Variants in AAK1 observed in about 807,000 individuals in gnomAD.
AAK1 encodes AP2-associated protein kinase 1.
In AAK1, 37 loss-of-function variants were observed where a neutral mutation model predicts 116.0. That is an observed-to-expected ratio of 0.32 (90% CI 0.25 to 0.42). The LOEUF is 0.42. AAK1 is among the 10% of genes least tolerant of loss of function. AAK1 has a pLI of 1.00. For missense variants in AAK1, 919 were observed against 1,170.6 expected, an observed-to-expected ratio of 0.79 and a Z score of 3.14; for synonymous variants, 458 against 439.9, an observed-to-expected ratio of 1.04 and a Z score of -0.51.
intron 2 of AAK1, among the ~76,000 whole-genome samples, chr2:69,596,850 T>C (rs1056464267): frequency 6.6e-6 from 1 of 152,106 alleles, no homozygotes; most frequent in Non-Finnish European, 1.5e-5. Context: ...GTTGGCCACC[T>C]TGCCTTGTCC....
At chr2:69,528,189 T>C (rs151310622) in intron 8 of AAK1, among the ~76,000 whole-genome samples, 25 of 152,146 alleles carry the variant, frequency 1.6e-4, no homozygotes, top group Admixed American at 9.2e-4. Context: ...TGCAAGTAAA[T>C]AGAGGAGCCA....
chr2:69,586,569 T>C (rs1276083675), intron 2 of AAK1, among the ~76,000 whole-genome samples: 1 of 152,176 alleles, frequency 6.6e-6, no homozygotes, highest in African/African-American at 2.4e-5. Context: ...GGAAAGTATT[T>C]TTCTTTGCAT....
intron 13 of AAK1, among the ~76,000 whole-genome samples, chr2:69,512,504 A>G (rs556565978): frequency 3.8e-4 from 58 of 152,206 alleles, no homozygotes; most frequent in Non-Finnish European, 6.9e-4. Context: ...GGCTATTATT[A>G]ATAAGACTGC....
At chr2:69,549,189 T>G (rs1279362243) in intron 3 of AAK1, among the ~76,000 whole-genome samples, 1 of 152,038 alleles carries the variant, frequency 6.6e-6, no homozygotes, top group Admixed American at 6.5e-5. Flanking sequence ...ACCAACATGG[T>G]GAAACCGCGT....
chr2:69,604,549 G>A (rs375966683), intron 2 of AAK1, among the ~76,000 whole-genome samples: 16 of 152,128 alleles, frequency 1.1e-4, no homozygotes, highest in African/African-American at 1.7e-4. Flanking sequence ...CCACAAGCTC[G>A]CAAGGTTTAA....
At chr2:69,612,672 G>A (rs1209969027) in intron 2 of AAK1, among the ~76,000 whole-genome samples, 2 of 152,182 alleles carry the variant, frequency 1.3e-5, no homozygotes, top group South Asian at 2.1e-4. Context: ...ACCATGTGCT[G>A]TATAAGTTTT....
chr2:69,524,990 T>C (rs1329323514), intron 10 of AAK1, 43 bp downstream of exon 10: 2 of 1,561,546 alleles, frequency 1.3e-6, no homozygotes, highest in Admixed American at 1.7e-5. Flanking sequence ...CCTGCTGCTG[T>C]GGCAATCCAA....
In AAK1 at chr2:69,496,036, G is replaced by A; in HGVS notation, c.2314C>T (p.Leu772Phe). Residue 772 changes from leucine to phenylalanine, a missense_variant, in exon 17 of 22, where the codon CTT becomes TTT. By Grantham distance (22) the Leu-to-Phe change is conservative (BLOSUM62 0). This residue lies in a region of AAK1 where 263 missense variants were observed against 285.5 expected (regional missense o/e 0.92). Transcript: ENST00000409085. ...ATGAAAGGATCAGACACGCTTAGAA[G>A]CGGGAGGCCAGAGTCCACAGTCTGC... Reference protein sequence around the residue: ...GGQTVDSGLPLLSVSDPFIPL... With the variant: ...GGQTVDSGLPFLSVSDPFIPL... 6.4e-7 allele frequency: 1 copy of A among 1,555,358 alleles called. No homozygotes were observed. Among genetic ancestry groups the A allele is most frequent in the Non-Finnish European group, 8.7e-7 (1 of 1,149,098 alleles).
chr2:69,542,721 T>C (rs1572940645), intron 4 of AAK1, 56 bp from the exon 5 acceptor site: 15 of 1,590,742 alleles, frequency 9.4e-6, no homozygotes, highest in East Asian at 2.2e-5. Flanking sequence ...ACTTGTCATT[T>C]AGTCTAAGAG....
rs1674528790 is a variant in AAK1, at chr2:69,467,512, G to A, written c.*8357C>T. 2.0e-6 allele frequency: 2 copies of A among 985,288 alleles called. No homozygotes were observed. The highest frequency in any genetic ancestry group is 1.2e-4 in the Admixed American group (2 of 16,248). The allele number at this position is 985,288 out of a possible 1,614,324, so 61.0% of individuals were successfully genotyped here. A position where few individuals can be genotyped will look rare whatever the true frequency, so the allele number is the denominator to read the frequency against. On this transcript the variant is annotated 3_prime_UTR_variant, in exon 22 of 22. Transcript: ENST00000409085. ...TATGTAACTAAGCAAGAAGAATCCA[G>A]AGAAAGGGTGGTTGGGGGTAAAGGT... is the stretch of plus-strand genomic sequence containing the variant.
intron 2 of AAK1, among the ~76,000 whole-genome samples, chr2:69,620,228 G>A (rs1319465114): frequency 6.6e-6 from 1 of 152,170 alleles, no homozygotes; most frequent in African/African-American, 2.4e-5. Flanking sequence ...ATGACAAGAG[G>A]TTTTTGGCCT....
rs763891076 is a variant in AAK1 at position 69,476,902 on chromosome 2, T to C, written c.2769A>G (p.Val923=). Residue 923 remains valine (V), a synonymous_variant, in exon 21 of 22, where the codon GTA becomes GTG. Transcript: ENST00000409085. ...VAEDEFDPIP[V]LITKNPQGGH... ...TACCTTGTGGGTTTTTGGTTATCAA[T>C]ACAGGAATAGGGTCAAACTCATCTT... 3 of 1,613,712 alleles carry C rather than the reference T, an allele frequency of 1.9e-6. No homozygotes were observed. The highest frequency in any genetic ancestry group is 1.1e-5 in the South Asian group (1 of 91,032).
At chr2:69,624,916 T>C (rs1443331711) in intron 2 of AAK1, among the ~76,000 whole-genome samples, 1 of 152,196 alleles carries the variant, frequency 6.6e-6, no homozygotes, top group Non-Finnish European at 1.5e-5. Context: ...AAGGGAGGGT[T>C]GGAAGAGTAA....
At chr2:69,585,122 T>A (rs549241894) in intron 2 of AAK1, among the ~76,000 whole-genome samples, 1 of 152,302 alleles carries the variant, frequency 6.6e-6, no homozygotes, top group East Asian at 1.9e-4. Context: ...CCAAAAAAAC[T>A]ACATAAAAAT....
Position 69,473,822 on chromosome 2 carries a change from C to A in AAK1, c.*2047G>T, listed in dbSNP as rs1413049381. 1.0e-6 allele frequency: 1 copy of A among 985,610 alleles called. No individual in the cohort carries two copies. Among genetic ancestry groups the A allele is most frequent in the African/African-American group, 1.7e-5 (1 of 57,216 alleles). The allele number at this position is 985,610 out of a possible 1,614,324, so 61.1% of individuals were successfully genotyped here. ...TCCTTCATTAATTTATACATTCTTT[C>A]TATGTCCAGGAAAGAGAATACAATT... On this transcript the variant is annotated 3_prime_UTR_variant, in exon 22 of 22. Transcript: ENST00000409085.
At chr2:69,587,364 C>A (rs75728644) in intron 2 of AAK1, among the ~76,000 whole-genome samples, 1 of 118,272 alleles carries the variant, frequency 8.5e-6, no homozygotes, top group South Asian at 3.0e-4. Context: ...TACACATATG[C>A]GTGTACACAC....
rs763233656 is a variant in AAK1, at chr2:69,519,165, G to A, written c.1286C>T (p.Pro429Leu). ...KPQAPPSQPLPQTQAKQPQAP... is the reference protein window; with the variant it reads ...KPQAPPSQPLLQTQAKQPQAP... ...CTGTGGCTGCTTGGCCTGAGTTTGCGGCAGAGGCTGGCTGGGTGGGGCTTG... is the reference window on the plus strand; with the variant it reads ...CTGTGGCTGCTTGGCCTGAGTTTGCAGCAGAGGCTGGCTGGGTGGGGCTTG... Residue 429 changes from proline to leucine, a missense_variant, in exon 12 of 22, where the codon CCG (proline) becomes CTG (leucine). Transcript: ENST00000409085. 25 of 1,584,250 alleles carry A rather than the reference G, an allele frequency of 1.6e-5. No individual in the cohort carries two copies. Among genetic ancestry groups the A allele is most frequent in the Admixed American group, 3.6e-5 (2 of 55,258 alleles).
intron 2 of AAK1, among the ~76,000 whole-genome samples, chr2:69,632,930 G>A (rs1438372119): frequency 6.6e-6 from 1 of 152,130 alleles, no homozygotes; most frequent in African/African-American, 2.4e-5. Flanking sequence ...CTACTCGGGA[G>A]GCTGAGGCAG....
chr2:69,495,027 A>G (rs1368025182), intron 17 of AAK1, among the ~76,000 whole-genome samples: 2 of 152,186 alleles, frequency 1.3e-5, no homozygotes, highest in East Asian at 1.9e-4. Context: ...TTGGGAGAGA[A>G]AAAAAACCAA....
Sources: gnomAD v4.1 joint callset for allele counts (sites outside exome capture counted in the v4.1 genomes callset) on GRCh38, gnomAD v4.1.1 for gene constraint, gnomAD v4.1.1 regional missense constraint, MANE v1.5 for transcripts, NCBI Gene and HGNC (gene_info 2026-07-23, HGNC 2026-07-21) for gene names.